TENM4: variants seen among roughly 807,000 people sequenced by gnomAD.
The protein encoded by TENM4 is teneurin-4.
TENM4 carries 82 observed loss-of-function variants against 243.3 expected under a neutral mutation model. That is an observed-to-expected ratio of 0.34 (90% CI 0.28 to 0.40). TENM4 has a LOEUF of 0.40. TENM4 is among the 10% of genes least tolerant of loss of function. TENM4 has a pLI of 1.00. For missense variants in TENM4, 3,138 were observed against 3,673.3 expected, an observed-to-expected ratio of 0.85 and a Z score of 3.77; for synonymous variants, 1,412 against 1,456.3, an observed-to-expected ratio of 0.97 and a Z score of 0.69.
chr11:79,120,677 A>C (rs187783078), intron 4 of TENM4, among the ~76,000 whole-genome samples: 60 of 152,336 alleles, frequency 3.9e-4, no homozygotes, highest in Non-Finnish European at 6.9e-4. Flanking sequence ...TTTTCCCAAC[A>C]ATAAAAGTGA....
intron 1 of TENM4, among the ~76,000 whole-genome samples, chr11:79,357,228 G>A (rs905511456): frequency 6.6e-6 from 1 of 152,164 alleles, no homozygotes; most frequent in Non-Finnish European, 1.5e-5. Flanking sequence ...AGACTTACCT[G>A]GAAGTTCCCA....
chr11:79,209,816 C>A (rs1337162785), intron 3 of TENM4, among the ~76,000 whole-genome samples: 1 of 152,192 alleles, frequency 6.6e-6, no homozygotes, highest in Admixed American at 6.5e-5. Flanking sequence ...TATGGTATTT[C>A]CAAAGGACAA....
chr11:79,027,150 G>A (rs1859101722), intron 6 of TENM4, among the ~76,000 whole-genome samples: 1 of 152,290 alleles, frequency 6.6e-6, no homozygotes, highest in African/African-American at 2.4e-5. Flanking sequence ...GTTCTAAAAA[G>A]GAATGCTGTA....
chr11:79,333,836 C>A (rs181236197), intron 1 of TENM4, among the ~76,000 whole-genome samples: 1 of 152,214 alleles, frequency 6.6e-6, no homozygotes, highest in East Asian at 1.9e-4. Flanking sequence ...GACTTGTCTA[C>A]GATCATCTAG....
chr11:78,675,618 G>A (rs1022157894), intron 30 of TENM4, among the ~76,000 whole-genome samples: 1 of 152,222 alleles, frequency 6.6e-6, no homozygotes, highest in Non-Finnish European at 1.5e-5. Context: ...CATGATGCCA[G>A]CCCCAGCAGT....
intron 1 of TENM4, among the ~76,000 whole-genome samples, chr11:79,299,643 C>T (rs190577291): frequency 1.6e-4 from 24 of 152,300 alleles, no homozygotes; most frequent in Non-Finnish European, 1.0e-4. Flanking sequence ...CTTTCTTCAA[C>T]GATCCAAAAT....
chr11:78,739,626 CT>C (rs1855876611), intron 19 of TENM4, among the ~76,000 whole-genome samples: 2 of 151,956 alleles, frequency 1.3e-5, no homozygotes, highest in South Asian at 4.2e-4. Context: ...AGAATGGTGG[CT>C]TTTTAAACAT....
At chr11:79,054,222 A>T (rs1229365887) in intron 6 of TENM4, among the ~76,000 whole-genome samples, 1 of 152,140 alleles carries the variant, frequency 6.6e-6, no homozygotes, top group African/African-American at 2.4e-5. Flanking sequence ...AGGAGAGAGG[A>T]GAGATGTACA....
intron 4 of TENM4, among the ~76,000 whole-genome samples, chr11:79,108,112 C>G (rs1463407568): frequency 6.6e-6 from 1 of 152,238 alleles, no homozygotes; most frequent in Non-Finnish European, 1.5e-5. Flanking sequence ...ATGGGAGGAA[C>G]TGGAGACCAT....
At chr11:78,806,409 A>G (rs1293299796) in intron 14 of TENM4, among the ~76,000 whole-genome samples, 1 of 152,224 alleles carries the variant, frequency 6.6e-6, no homozygotes, top group African/African-American at 2.4e-5. Flanking sequence ...TGAGTCACAT[A>G]GTGGTGGCTC....
intron 6 of TENM4, among the ~76,000 whole-genome samples, chr11:78,978,044 G>A (rs1181722753): frequency 1.3e-5 from 2 of 152,186 alleles, no homozygotes; most frequent in African/African-American, 2.4e-5. Context: ...ATGAGTTCAT[G>A]TCCTTCTCAG....
intron 3 of TENM4, among the ~76,000 whole-genome samples, chr11:79,195,647 A>T (rs1039027013): frequency 1.3e-5 from 2 of 151,888 alleles, no homozygotes; most frequent in African/African-American, 4.8e-5. Flanking sequence ...TGTATTTACC[A>T]AATATCTGTA....
chr11:78,971,947 T>A (rs1489455435), intron 6 of TENM4, among the ~76,000 whole-genome samples: 1 of 152,206 alleles, frequency 6.6e-6, no homozygotes, highest in Non-Finnish European at 1.5e-5. Context: ...AAGAGCATGA[T>A]GCAAAACTGC....
At chr11:78,789,257 C>T (rs910802939) in intron 15 of TENM4, among the ~76,000 whole-genome samples, 5 of 151,866 alleles carry the variant, frequency 3.3e-5, no homozygotes, top group Admixed American at 1.3e-4. Flanking sequence ...TCCAACCAGG[C>T]CCACCTGTCT....
At chr11:79,064,080 C>A (rs1860173583) in intron 6 of TENM4, among the ~76,000 whole-genome samples, 1 of 114,506 alleles carries the variant, frequency 8.7e-6, no homozygotes. Context: ...TCTCATCTCA[C>A]ATACTTATTT....
Position 78,797,204 on chromosome 11 carries a change from G to A in TENM4, c.2179+8088C>T, listed in dbSNP as rs191411762. ...CTCAGAGTGTCTTTGAGCAAGTCAC[G>A]CAAGTTCTCTGGACCCTGGTTTCCT... On this transcript the variant is annotated intron_variant, in intron 15 of 33. Coordinates refer to ENST00000278550, the MANE Select transcript of TENM4 (RefSeq NM_001098816.3). 3.3e-5 allele frequency among the ~76,000 whole-genome samples: 5 copies of A among 152,302 alleles called. No individual in the cohort carries two copies. The East Asian group carries it at 5.8e-4, about 18-fold the overall frequency.
chr11:78,789,224 C>A (rs1050450342), intron 15 of TENM4, among the ~76,000 whole-genome samples: 4 of 152,156 alleles, frequency 2.6e-5, no homozygotes, highest in African/African-American at 9.7e-5. Flanking sequence ...ATTCACCACA[C>A]CCCACTTAGC....
intron 6 of TENM4, among the ~76,000 whole-genome samples, chr11:79,058,342 G>C (rs1315452811): frequency 6.6e-6 from 1 of 152,132 alleles, no homozygotes; most frequent in East Asian, 1.9e-4. Context: ...AGGAGATCGA[G>C]ACCATCCTGG....
At chr11:78,846,576 C>T (rs1158350356) in intron 12 of TENM4, among the ~76,000 whole-genome samples, 5 of 152,222 alleles carry the variant, frequency 3.3e-5, no homozygotes, top group Admixed American at 3.3e-4. Flanking sequence ...TGCTTCGAGG[C>T]ATAATGGAAA....
Sources: allele counts gnomAD v4.1 joint callset (sites outside exome capture counted in the v4.1 genomes callset), GRCh38; gene constraint gnomAD v4.1.1; transcripts MANE v1.5; gene names NCBI Gene and HGNC (gene_info 2026-07-23, HGNC 2026-07-21).